Variants in CLOCK observed in about 807,000 individuals in gnomAD.
CLOCK encodes circadian locomoter output cycles protein kaput.
Under a neutral mutation model 118.4 loss-of-function variants are expected in CLOCK, and 43 were observed. The ratio of observed to expected loss-of-function variants is 0.36; its 90% CI spans 0.28 to 0.47. The LOEUF (loss-of-function observed/expected upper bound fraction) is 0.47. Among genes scored for constraint, CLOCK ranks in the 20% least tolerant of loss-of-function variants. The probability of loss-of-function intolerance (pLI) is 1.00; values close to 1 mark genes in which losing one functional copy is unlikely to be tolerated. For missense variants in CLOCK, 846 were observed against 999.9 expected (o/e 0.85, Z 2.08); for synonymous variants, 326 against 339.2 (o/e 0.96, Z 0.43).
chr4:55,489,871 G>A (rs1365735287), intron 2 of CLOCK, among the ~76,000 whole-genome samples: 3 of 151,928 alleles, frequency 2.0e-5, no homozygotes, highest in African/African-American at 7.3e-5. Context: ...AAGCCCCATG[G>A]TAATCACATG....
At chr4:55,462,334 T>A (rs1177050018) in intron 9 of CLOCK, among the ~76,000 whole-genome samples, 2 of 152,216 alleles carry the variant, frequency 1.3e-5, no homozygotes, top group African/African-American at 2.4e-5. Context: ...TCGCCCAGGC[T>A]GGAATGCAGT....
Position 55,459,309 on chromosome 4 carries a change from ATGAT to A in CLOCK, c.560-52_560-49del, listed in dbSNP as rs764465135. 12 of 1,030,618 alleles carry A rather than the reference ATGAT, an allele frequency of 1.2e-5. No individual in the cohort carries two copies. In the East Asian group the frequency reaches 1.7e-4, roughly 14 times the overall value. The allele number at this position is 1,030,618 out of a possible 1,614,324, so 63.8% of individuals were successfully genotyped here. A position where few individuals can be genotyped will look rare whatever the true frequency, so the allele number is the denominator to read the frequency against. ...AATCACATATTTCTGATATAAAACA[ATGAT>A]TGATATACCACATAAAGTAAGATCA... On this transcript the variant is annotated intron_variant, in intron 9 of 22. Transcript: ENST00000513440.
intron 14 of CLOCK, 99 bp from the exon 15 acceptor site, chr4:55,453,228 C>T (rs79210836): frequency 0.043 from 41,738 of 968,290 alleles, 1,123 homozygotes; most frequent in Non-Finnish European, 0.056. Flanking sequence ...CTCATCTGTT[C>T]ATCTAGACTA....
rs751138563 is a variant in CLOCK at position 55,428,497 on chromosome 4, A to G, written c.*6918T>C. The G allele has an allele frequency of 2.6e-5, 4 of 152,210 alleles. No homozygotes were observed. Among genetic ancestry groups the G allele is most frequent in the Non-Finnish European group, 5.9e-5 (4 of 68,036 alleles). The allele number at this position is 152,210 out of a possible 1,614,324, so 9.4% of individuals were successfully genotyped here. A position where few individuals can be genotyped will look rare whatever the true frequency, so the allele number is the denominator to read the frequency against. On this transcript the variant is annotated 3_prime_UTR_variant, in exon 23 of 23. Coordinates refer to ENST00000513440, the MANE Select transcript of CLOCK (RefSeq NM_004898.4). ...TTCAGAATTTCGGCAGAAGACAACA[A>G]ATGGAAAATGCCTTTCGTTTCTATA...
At chr4:55,505,116 C>T (rs62305266) in intron 2 of CLOCK, among the ~76,000 whole-genome samples, 36,475 of 149,746 alleles carry the variant, frequency 0.24, 4,756 homozygotes, top group South Asian at 0.37. Context: ...GAGACAATGC[C>T]AGCCTAGGTG....
chr4:55,481,598 T>C (rs1285787401), intron 4 of CLOCK, among the ~76,000 whole-genome samples: 2 of 152,224 alleles, frequency 1.3e-5, no homozygotes, highest in Non-Finnish European at 2.9e-5. Context: ...TCTTAAGTTC[T>C]GGTGGAGTAT....
At chr4:55,520,858 T>C (rs1577846414) in intron 1 of CLOCK, among the ~76,000 whole-genome samples, 1 of 152,178 alleles carries the variant, frequency 6.6e-6, no homozygotes, top group East Asian at 1.9e-4. Context: ...GACTCTAACA[T>C]TCATATTTGA....
At chr4:55,499,128 G>C (rs1158223329) in intron 2 of CLOCK, among the ~76,000 whole-genome samples, 3 of 151,970 alleles carry the variant, frequency 2.0e-5, no homozygotes, top group Non-Finnish European at 4.4e-5. Context: ...GTACTTTAAG[G>C]CTTTTTTCTG....
intron 18 of CLOCK, among the ~76,000 whole-genome samples, 161 bp downstream of exon 18, chr4:55,448,618 G>A (rs1352401208): frequency 7.3e-6 from 1 of 136,150 alleles, no homozygotes; most frequent in Non-Finnish European, 1.6e-5. Context: ...GTGTGTGTGT[G>A]TGTGTGTGTG....
chr4:55,438,405 T>C lies in CLOCK; in HGVS notation c.2238A>G (p.Gln746=), dbSNP rs781485592. The C allele has an allele frequency of 1.6e-5, 26 of 1,613,960 alleles. No homozygotes were observed. The highest frequency in any genetic ancestry group is 2.2e-5 in the East Asian group (1 of 44,846). The change falls in exon 22 of 23, where the codon CAA becomes CAG. Residue 746 remains glutamine (Q), a synonymous_variant. Coordinates refer to ENST00000513440, the MANE Select transcript of CLOCK (RefSeq NM_004898.4). The part of the protein sequence containing the change: ...TAYPTFATQQ[Q]QSQTLSVTQQ... ...GCGTTACTGACAATGTCTGTGACTG[T>C]TGCTGTTGTGTAGCAAAAGTAGGAT...
At chr4:55,521,998 T>C (rs1020844039) in intron 1 of CLOCK, among the ~76,000 whole-genome samples, 2 of 152,156 alleles carry the variant, frequency 1.3e-5, no homozygotes, top group Non-Finnish European at 2.9e-5. Flanking sequence ...CATATGTATA[T>C]TAAAAAGGCA....
chr4:55,440,780 A>C (rs570468944), intron 21 of CLOCK, among the ~76,000 whole-genome samples: 1 of 152,208 alleles, frequency 6.6e-6, no homozygotes, highest in African/African-American at 2.4e-5. Flanking sequence ...CGTGTAACTC[A>C]CACTTCTGCA....
chr4:55,533,863 A>T (rs892105624), intron 1 of CLOCK, among the ~76,000 whole-genome samples: 1 of 152,220 alleles, frequency 6.6e-6, no homozygotes, highest in Non-Finnish European at 1.5e-5. Flanking sequence ...AGATCATGCC[A>T]CTACACTCCA....
chr4:55,544,165 GACACACACACACAC>G lies in CLOCK; in HGVS notation c.-290+2603_-290+2616del, dbSNP rs35842826. On this transcript the variant is annotated intron_variant, in intron 1 of 22. Coordinates refer to ENST00000513440, the MANE Select transcript of CLOCK (RefSeq NM_004898.4). ...TGTACACTTTCATGAGAAACAACCA[GACACACACACACAC>G]ACACACACACACACACACACCCCAA... 1.7e-3 allele frequency among the ~76,000 whole-genome samples: 251 copies of G among 148,206 alleles called. 1 individual carries two copies. The highest frequency in any genetic ancestry group is 5.4e-3 in the African/African-American group (216 of 40,292).
intron 3 of CLOCK, among the ~76,000 whole-genome samples, chr4:55,484,073 A>G (rs2109918465): frequency 1.3e-5 from 2 of 152,358 alleles, no homozygotes; most frequent in South Asian, 4.1e-4. Context: ...CTAAACATTC[A>G]GTCACTGTTT....
chr4:55,540,458 A>G (rs1418137378), intron 1 of CLOCK: 1 of 152,032 alleles, frequency 6.6e-6, no homozygotes, highest in African/African-American at 2.4e-5. Context: ...TTTTAATACA[A>G]ATGATAAGTT....
chr4:55,474,627 G>A (rs1225518220), intron 7 of CLOCK, among the ~76,000 whole-genome samples: 2 of 152,138 alleles, frequency 1.3e-5, no homozygotes, highest in African/African-American at 4.8e-5. Context: ...CTCTTGTCAG[G>A]GGCAAATGCA....
chr4:55,432,363 C>T lies in CLOCK; in HGVS notation c.*3052G>A, dbSNP rs1324042056. ...CTATGATAACTGCAAGTCCAAAGCACGGTAACTGCAGAGTAGCTAGCATTT... is the reference window on the plus strand; with the variant it reads ...CTATGATAACTGCAAGTCCAAAGCATGGTAACTGCAGAGTAGCTAGCATTT... On this transcript the variant is annotated 3_prime_UTR_variant, in exon 23 of 23. Coordinates refer to ENST00000513440, the MANE Select transcript of CLOCK (RefSeq NM_004898.4). The T allele has an allele frequency of 1.3e-5, 2 of 151,770 alleles. No individual in the cohort carries two copies. Among genetic ancestry groups the T allele is most frequent in the Admixed American group, 6.6e-5 (1 of 15,234 alleles). The allele number at this position is 151,770 out of a possible 1,614,324, so 9.4% of individuals were successfully genotyped here. A position where few individuals can be genotyped will look rare whatever the true frequency, so the allele number is the denominator to read the frequency against.
intron 3 of CLOCK, among the ~76,000 whole-genome samples, chr4:55,488,752 G>A (rs547084757): frequency 6.6e-5 from 10 of 151,844 alleles, no homozygotes; most frequent in South Asian, 4.2e-4. Flanking sequence ...TTTTGTACAC[G>A]TAAGACAAGG....
Sources: allele counts gnomAD v4.1 joint callset (sites outside exome capture counted in the v4.1 genomes callset), GRCh38; gene constraint gnomAD v4.1.1; transcripts MANE v1.5; gene names NCBI Gene and HGNC (gene_info 2026-07-23, HGNC 2026-07-21).